CCDC6: variants seen among roughly 807,000 people sequenced by gnomAD.
CCDC6 encodes the protein coiled-coil domain containing 6, also known as coiled-coil domain-containing protein 6.
A neutral mutation model predicts 56.6 loss-of-function variants in CCDC6; 20 were observed. The observed-to-expected ratio is 0.35, with a 90% CI of 0.25 to 0.51. The LOEUF is 0.51. Ranked by LOEUF, CCDC6 falls within the 20% of genes least tolerant of loss-of-function variation. The pLI is 0.95. For missense variants in CCDC6, 367 were observed against 601.1 expected (o/e 0.61, Z 4.07); for synonymous variants, 241 against 234.4 (o/e 1.03, Z -0.26).
chr10:59,801,966 C>T (rs1351611273), intron 7 of CCDC6, among the ~76,000 whole-genome samples: 2 of 152,122 alleles, frequency 1.3e-5, no homozygotes, highest in Non-Finnish European at 2.9e-5. Flanking sequence ...CTCCAAGTAG[C>T]TCTAGTTCTT....
intron 2 of CCDC6, among the ~76,000 whole-genome samples, chr10:59,843,394 C>T (rs1157141407): frequency 6.6e-6 from 1 of 152,166 alleles, no homozygotes; most frequent in Admixed American, 6.5e-5. Context: ...AAACGTATTG[C>T]CCTATAGTTA....
chr10:59,878,871 A>T (rs905116377), intron 1 of CCDC6, among the ~76,000 whole-genome samples: 1 of 152,156 alleles, frequency 6.6e-6, no homozygotes, highest in African/African-American at 2.4e-5. Flanking sequence ...ATTATTTAAC[A>T]ATTATGACTA....
intron 1 of CCDC6, among the ~76,000 whole-genome samples, chr10:59,884,258 T>C (rs1241165798): frequency 1.3e-5 from 2 of 152,138 alleles, no homozygotes; most frequent in Middle Eastern, 3.2e-3. Context: ...AAATAAGATG[T>C]TCCCTGCTAC....
At chr10:59,815,448 G>T (rs2070703285) in intron 3 of CCDC6, among the ~76,000 whole-genome samples, 1 of 152,156 alleles carries the variant, frequency 6.6e-6, no homozygotes, top group Admixed American at 6.5e-5. Context: ...TGAGAACAAT[G>T]ACTGGATAAT....
chr10:59,801,808 C>T (rs575818257), intron 7 of CCDC6, among the ~76,000 whole-genome samples: 1 of 151,758 alleles, frequency 6.6e-6, no homozygotes, highest in African/African-American at 2.4e-5. Context: ...TCAAATTGTC[C>T]CAGTTTTGGT....
At chr10:59,884,052 A>T (rs2071365548) in intron 1 of CCDC6, among the ~76,000 whole-genome samples, 1 of 152,210 alleles carries the variant, frequency 6.6e-6, no homozygotes, top group Non-Finnish European at 1.5e-5. Context: ...AACATCAACC[A>T]ATCTGTAGAT....
intron 3 of CCDC6, among the ~76,000 whole-genome samples, chr10:59,816,429 A>G (rs2070710205): frequency 6.6e-6 from 1 of 152,194 alleles, no homozygotes; most frequent in East Asian, 1.9e-4. Context: ...ACAAAACAGC[A>G]GCCAATGCAT....
intron 3 of CCDC6, among the ~76,000 whole-genome samples, chr10:59,831,379 TCTTA>T (rs2070833848): frequency 6.6e-6 from 1 of 152,202 alleles, no homozygotes; most frequent in African/African-American, 2.4e-5. Context: ...CTAAAGTCAG[TCTTA>T]CTTTAAGACA....
At chr10:59,878,184 TGAAAAAC>T (rs1311734840) in intron 1 of CCDC6, among the ~76,000 whole-genome samples, 1 of 152,214 alleles carries the variant, frequency 6.6e-6, no homozygotes, top group East Asian at 1.9e-4. Context: ...TATAGATTTA[TGAAAAAC>T]AAGAGTTTAG....
chr10:59,829,128 G>A (rs12252428), intron 3 of CCDC6, among the ~76,000 whole-genome samples: 1 of 152,092 alleles, frequency 6.6e-6, no homozygotes, highest in Non-Finnish European at 1.5e-5. Context: ...AACTTACAGT[G>A]AGGCCCTGCT....
chr10:59,875,377 C>CT (rs2132671334), intron 1 of CCDC6, among the ~76,000 whole-genome samples: 1 of 152,226 alleles, frequency 6.6e-6, no homozygotes, highest in South Asian at 2.1e-4. Flanking sequence ...TACTCAGTGA[C>CT]TGAACCAGGA....
chr10:59,837,433 G>C (rs10994045), intron 2 of CCDC6, among the ~76,000 whole-genome samples: 257 of 152,222 alleles, frequency 1.7e-3, no homozygotes, highest in Non-Finnish European at 3.1e-3. Flanking sequence ...CTAGGACCCA[G>C]CTTTTTCAAG....
At chr10:59,798,033 C>G (rs1277495322) in intron 7 of CCDC6, among the ~76,000 whole-genome samples, 1 of 152,190 alleles carries the variant, frequency 6.6e-6, no homozygotes. Flanking sequence ...GCAGAAGTCA[C>G]CAGCCGGTCT....
chr10:59,823,537 G>A (rs947135576), intron 3 of CCDC6, among the ~76,000 whole-genome samples: 4 of 152,140 alleles, frequency 2.6e-5, no homozygotes, highest in Non-Finnish European at 5.9e-5. Flanking sequence ...CTGCTTCAAT[G>A]GCAAGACTTT....
At chr10:59,895,190 T>C (rs2071452812) in intron 1 of CCDC6, among the ~76,000 whole-genome samples, 2 of 152,132 alleles carry the variant, frequency 1.3e-5, no homozygotes, top group African/African-American at 2.4e-5. Context: ...CAGTCCCAGC[T>C]ACTCTGGAAG....
intron 3 of CCDC6, among the ~76,000 whole-genome samples, chr10:59,819,338 C>T (rs2070733865): frequency 6.6e-6 from 1 of 152,144 alleles, no homozygotes; most frequent in East Asian, 1.9e-4. Flanking sequence ...AAGAGCAGGG[C>T]CTCTTGTTTT....
At chr10:59,849,125 C>T (rs1254471292) in intron 2 of CCDC6, among the ~76,000 whole-genome samples, 4 of 152,212 alleles carry the variant, frequency 2.6e-5, no homozygotes, top group African/African-American at 4.8e-5. Flanking sequence ...TAGAATTTAG[C>T]TCTAATGTAG....
intron 1 of CCDC6, among the ~76,000 whole-genome samples, chr10:59,885,991 A>G (rs1174898021): frequency 1.3e-5 from 2 of 148,456 alleles, no homozygotes; most frequent in African/African-American, 5.0e-5. Flanking sequence ...CAATGCATAG[A>G]ACAGCCTTAT....
At chr10:59,835,837 C>T (rs2070877380) in intron 2 of CCDC6, among the ~76,000 whole-genome samples, 2 of 152,012 alleles carry the variant, frequency 1.3e-5, no homozygotes, top group African/African-American at 4.8e-5. Context: ...GCAAGAGGAT[C>T]GCTTGAGCCC....
Sources: allele counts gnomAD v4.1 joint callset (sites outside exome capture counted in the v4.1 genomes callset), GRCh38; gene constraint gnomAD v4.1.1; transcripts MANE v1.5; gene names NCBI Gene and HGNC (gene_info 2026-07-23, HGNC 2026-07-21).